Variants in BIN1 observed in about 807,000 individuals in gnomAD.
BIN1 encodes bridging integrator 1, also known as myc box-dependent-interacting protein 1.
Under a neutral mutation model 82.0 loss-of-function variants are expected in BIN1, and 53 were observed. That is an observed-to-expected ratio of 0.65 (90% CI 0.52 to 0.81). BIN1 has a LOEUF of 0.81. Ranked by LOEUF, BIN1 falls within the 40% of genes least tolerant of loss-of-function variation. The pLI, the probability that BIN1 is intolerant of heterozygous loss-of-function variation, is 0.00. For missense variants in BIN1, 642 were observed against 784.4 expected (o/e 0.82, Z 2.17); for synonymous variants, 302 against 328.0 (o/e 0.92, Z 0.86).
At chr2:127,102,549 C>T (rs1558891815) in intron 1 of BIN1, among the ~76,000 whole-genome samples, 1 of 152,238 alleles carries the variant, frequency 6.6e-6, no homozygotes, top group East Asian at 1.9e-4. Flanking sequence ...AATGCCTTCT[C>T]CTTCCCCATG....
At chr2:127,051,304 A>G in intron 15 of BIN1, 61 bp from the exon 16 acceptor site, 2 of 1,571,108 alleles carry the variant, frequency 1.3e-6, no homozygotes, top group Non-Finnish European at 1.7e-6. Flanking sequence ...GGACACAGGA[A>G]ACAGGCCACA....
At chr2:127,052,475 G>A in intron 14 of BIN1, 113 bp from the exon 15 acceptor site, 1 of 994,706 alleles carries the variant, frequency 1.0e-6, no homozygotes, top group Non-Finnish European at 1.5e-6. Flanking sequence ...GGGGTTGGTG[G>A]GGGCAGGGTG....
intron 10 of BIN1, 85 bp downstream of exon 10, chr2:127,062,030 G>A (rs1684561789): frequency 1.3e-6 from 2 of 1,484,138 alleles, no homozygotes; most frequent in Admixed American, 3.9e-5. Flanking sequence ...TGGGGGACCA[G>A]GGAGGGCACC....
At chr2:127,065,620 G>A (rs559138419) in intron 7 of BIN1, among the ~76,000 whole-genome samples, 88 of 152,220 alleles carry the variant, frequency 5.8e-4, no homozygotes, top group Non-Finnish European at 1.1e-3. Context: ...TGGACCACCC[G>A]GCTCCTGTAC....
At chr2:127,062,879 C>T (rs750314922) in intron 9 of BIN1, among the ~76,000 whole-genome samples, 1 of 152,266 alleles carries the variant, frequency 6.6e-6, no homozygotes, top group Admixed American at 6.5e-5. Context: ...GGCAGGAAAC[C>T]GTACTTAGAA....
At chr2:127,106,449 C>A (rs1681141422) in intron 1 of BIN1, among the ~76,000 whole-genome samples, 1 of 152,244 alleles carries the variant, frequency 6.6e-6, no homozygotes, top group Non-Finnish European at 1.5e-5. Flanking sequence ...GCCCCGAGCG[C>A]CGGCCCAGCC....
intron 2 of BIN1, among the ~76,000 whole-genome samples, chr2:127,075,721 GCCCTCT>G (rs1686499924): frequency 9.2e-6 from 1 of 109,288 alleles, no homozygotes; most frequent in African/African-American, 3.6e-5. Flanking sequence ...ATGCTCCCCG[GCCCTCT>G]CCCAGAATGC....
At chr2:127,065,275 C>A (rs1427766149) in intron 7 of BIN1, among the ~76,000 whole-genome samples, 1 of 151,498 alleles carries the variant, frequency 6.6e-6, no homozygotes, top group African/African-American at 2.4e-5. Context: ...TTTTCAGAAT[C>A]TAATAAAAAT....
At chr2:127,103,319 A>G (rs555884482) in intron 1 of BIN1, among the ~76,000 whole-genome samples, 1 of 152,250 alleles carries the variant, frequency 6.6e-6, no homozygotes, top group East Asian at 1.9e-4. Context: ...GGAGACCTTG[A>G]CCACGCAGCT....
In BIN1 at chr2:127,049,413, C is replaced by G. The variant is rs143261838; in HGVS notation, c.1675-780G>C. On this transcript the variant is annotated intron_variant, in intron 18 of 18. Transcript: ENST00000316724. ...ATCAGTGCCAGGCCCACAAGGTCCT[C>G]ATCACTCAGGCCTCCTGCCCCGGAC... is the stretch of plus-strand genomic sequence containing the variant. Among the ~76,000 whole-genome samples the G allele has an allele frequency of 6.7e-3, 1,021 of 152,238 alleles. 3 individuals are homozygous for G. Among genetic ancestry groups the G allele is most frequent in the Non-Finnish European group, 8.9e-3 (603 of 67,986 alleles).
intron 10 of BIN1, among the ~76,000 whole-genome samples, chr2:127,061,907 C>T (rs981691147): frequency 3.3e-5 from 5 of 152,156 alleles, no homozygotes; most frequent in Non-Finnish European, 5.9e-5. Context: ...CCTTCCTCGA[C>T]GAACACAGCC....
chr2:127,099,405 TC>T (rs1048796273), intron 1 of BIN1, among the ~76,000 whole-genome samples: 2 of 151,130 alleles, frequency 1.3e-5, no homozygotes, highest in Non-Finnish European at 2.9e-5. Context: ...CATGGTTCTT[TC>T]CCCCCCAGGA....
intron 1 of BIN1, among the ~76,000 whole-genome samples, chr2:127,086,003 TAAGCTCCACAAAGCTCACAGTGCA>T (rs887361483): frequency 5.3e-5 from 8 of 152,080 alleles, no homozygotes; most frequent in African/African-American, 1.9e-4. Context: ...CCCCTCTAGG[TAAGCTCCACAAAGCTCACAGTGCA>T]AAGCATGACC....
rs550378452 is a variant in BIN1 at position 127,053,353 on chromosome 2, T to C, written c.1263+69A>G. 3.2e-5 allele frequency: 51 copies of C among 1,595,956 alleles called. No individual in the cohort carries two copies. In the East Asian group the frequency reaches 8.1e-4, roughly 25 times the overall value. Reference sequence around the variant, plus strand: ...TGCACCTGTGAACAGGCTAGGAGCATGTGGGCCTGGACACATACGGAAGAG... The same window carrying C: ...TGCACCTGTGAACAGGCTAGGAGCACGTGGGCCTGGACACATACGGAAGAG... On this transcript the variant is annotated intron_variant, in intron 14 of 18. Transcript: ENST00000316724.
chr2:127,057,410 G>C lies in BIN1; in HGVS notation c.1131+63C>G. ...TTGAGACAGAAGCATAGAGGATGAAGGCCATGCACGCCCTGAGAGGGCAGG... is the reference window on the plus strand; with the variant it reads ...TTGAGACAGAAGCATAGAGGATGAACGCCATGCACGCCCTGAGAGGGCAGG... On this transcript the variant is annotated intron_variant, in intron 12 of 18. Coordinates refer to ENST00000316724, the MANE Select transcript of BIN1 (RefSeq NM_139343.3). The surrounding 1 kb of genome is among the most constrained non-coding windows in gnomAD (Gnocchi z 5.0). 6.7e-7 allele frequency: 1 copy of C among 1,491,806 alleles called. No individual in the cohort carries two copies. The highest frequency in any genetic ancestry group is 2.5e-5 in the East Asian group (1 of 39,982). The allele number at this position is 1,491,806 out of a possible 1,614,324, so 92.4% of individuals were successfully genotyped here.
chr2:127,050,815 C>G lies in BIN1; in HGVS notation c.1559G>C (p.Gly520Ala). The stretch of plus-strand genomic sequence containing the variant: ...CTGTGGGCTCACCTTGAACATGAAA[C>G]CTGGGGGCAGGTCCAAGCGCCCGGC... ...SGAGRLDLPP[G>A]FMFKVQAQHD... Residue 520 changes from glycine (G) to alanine (A), a missense_variant, in exon 17 of 19, where the codon GGT becomes GCT. Physicochemically the swap from Gly to Ala is moderately conservative, Grantham distance 60 (BLOSUM62 0). Transcript: ENST00000316724. 1 of 1,613,650 alleles carries G rather than the reference C, an allele frequency of 6.2e-7. No homozygotes were observed. Among genetic ancestry groups the G allele is most frequent in the Non-Finnish European group, 8.5e-7 (1 of 1,180,022 alleles).
chr2:127,078,197 A>C (rs59469917), intron 1 of BIN1, among the ~76,000 whole-genome samples: 28,079 of 151,918 alleles, frequency 0.18, 2,780 homozygotes, highest in South Asian at 0.26. Flanking sequence ...CCCCCCAGCC[A>C]GGCCCAGAAG....
chr2:127,086,138 C>T (rs1190578927), intron 1 of BIN1, among the ~76,000 whole-genome samples: 5 of 152,160 alleles, frequency 3.3e-5, no homozygotes, highest in Admixed American at 2.6e-4. Flanking sequence ...AGGTGATGAC[C>T]GTTGGTCCTA....
In BIN1 at chr2:127,090,573, C is replaced by T. The variant is rs935967767; in HGVS notation, c.85-13867G>A. 4.6e-5 allele frequency among the ~76,000 whole-genome samples: 7 copies of T among 152,250 alleles called. No individual in the cohort carries two copies. The highest frequency in any genetic ancestry group is 1.7e-4 in the African/African-American group (7 of 41,464). ...ACTGGCCATAAACACACGGTGGAAT[C>T]TGCTTCTCCAGCCCACCCGCCTCCC... is the stretch of plus-strand genomic sequence containing the variant. On this transcript the variant is annotated intron_variant, in intron 1 of 18. Coordinates refer to ENST00000316724, the MANE Select transcript of BIN1 (RefSeq NM_139343.3). The surrounding 1 kb of genome is among the most constrained non-coding windows in gnomAD (Gnocchi z 6.4).
Sources: gnomAD v4.1 joint callset for allele counts (sites outside exome capture counted in the v4.1 genomes callset) on GRCh38, gnomAD v4.1.1 for gene constraint, Gnocchi (gnomAD v3.1) non-coding constraint, MANE v1.5 for transcripts, NCBI Gene and HGNC (gene_info 2026-07-23, HGNC 2026-07-21) for gene names.